DDX4: variants seen among roughly 807,000 people sequenced by gnomAD.
The protein encoded by DDX4 is probable ATP-dependent RNA helicase DDX4.
Under a neutral mutation model 100.0 loss-of-function variants are expected in DDX4, and 25 were observed. The ratio of observed to expected loss-of-function variants is 0.25; its 90% CI spans 0.18 to 0.35. DDX4 has a LOEUF of 0.35. DDX4 is among the 10% of genes least tolerant of loss of function. DDX4 has a pLI of 1.00. For synonymous variants in DDX4, 259 were observed against 275.7 expected, an observed-to-expected ratio of 0.94 and a Z score of 0.60; for missense variants, 635 against 882.4, an observed-to-expected ratio of 0.72 and a Z score of 3.55.
chr5:55,816,066 G>A (rs980876897), intron 21 of DDX4, among the ~76,000 whole-genome samples: 3 of 151,680 alleles, frequency 2.0e-5, no homozygotes, highest in Admixed American at 1.3e-4. Context: ...GATTACAGGC[G>A]TGAGCCACTG....
chr5:55,813,640 A>G, intron 18 of DDX4, 33 bp from the exon 19 acceptor site: 2 of 1,515,202 alleles, frequency 1.3e-6, no homozygotes, highest in Non-Finnish European at 8.8e-7. Context: ...CTGATTTTGA[A>G]GTTTGAATAT....
intron 15 of DDX4, 24 bp downstream of exon 15, chr5:55,788,024 A>G (rs1742346911): frequency 1.3e-6 from 2 of 1,562,606 alleles, no homozygotes; most frequent in Admixed American, 2.0e-5. Context: ...AGTGCTACTC[A>G]CAAAATAGTT....
chr5:55,764,639 T>TA (rs1475190686), intron 6 of DDX4, among the ~76,000 whole-genome samples: 1 of 152,206 alleles, frequency 6.6e-6, no homozygotes, highest in Non-Finnish European at 1.5e-5. Flanking sequence ...GTGATCCTGA[T>TA]ACCTCCTGTG....
intron 17 of DDX4, among the ~76,000 whole-genome samples, chr5:55,793,480 C>T (rs932037891): frequency 7.9e-5 from 12 of 152,252 alleles, no homozygotes; most frequent in Middle Eastern, 3.4e-3. Context: ...ATAGGTTTAT[C>T]GGGATGTTAA....
intron 10 of DDX4, among the ~76,000 whole-genome samples, chr5:55,784,006 C>A (rs945753064): frequency 1.3e-5 from 2 of 152,088 alleles, no homozygotes; most frequent in African/African-American, 4.8e-5. Flanking sequence ...CACCTTCCAA[C>A]AGGCCCTGGT....
chr5:55,786,299 A>G (rs1392968245), intron 13 of DDX4, among the ~76,000 whole-genome samples: 1 of 152,138 alleles, frequency 6.6e-6, no homozygotes, highest in Non-Finnish European at 1.5e-5. Context: ...AATGTTTTTA[A>G]AGCCACCATT....
intron 3 of DDX4, among the ~76,000 whole-genome samples, chr5:55,749,253 GAC>G (rs1286616989): frequency 6.6e-6 from 1 of 152,074 alleles, no homozygotes; most frequent in Non-Finnish European, 1.5e-5. Flanking sequence ...AACAAAGTGA[GAC>G]ACTGTCTGTA....
intron 6 of DDX4, among the ~76,000 whole-genome samples, 190 bp from the exon 7 acceptor site, chr5:55,767,691 T>G (rs1192627480): frequency 6.6e-6 from 1 of 152,206 alleles, no homozygotes; most frequent in Non-Finnish European, 1.5e-5. Flanking sequence ...ATGAGATGAT[T>G]TGTATAGGGA....
intron 18 of DDX4, among the ~76,000 whole-genome samples, chr5:55,810,005 A>C (rs1319171901): frequency 1.3e-5 from 2 of 150,520 alleles, no homozygotes; most frequent in African/African-American, 4.9e-5. Flanking sequence ...AGAACTTACA[A>C]ATCATGAGGG....
chr5:55,765,411 A>ATATATATATATATATAT (rs1285869924), intron 6 of DDX4, among the ~76,000 whole-genome samples: 4 of 100,250 alleles, frequency 4.0e-5, no homozygotes, highest in African/African-American at 1.3e-4. Flanking sequence ...AAAAAAAAAA[A>ATATATATATATATATAT]AAATATATAT....
chr5:55,749,921 A>G (rs1267509125), intron 3 of DDX4, among the ~76,000 whole-genome samples: 19 of 151,770 alleles, frequency 1.3e-4, no homozygotes, highest in African/African-American at 4.6e-4. Context: ...TTGCTTTACA[A>G]AAGGAGGGAA....
intron 15 of DDX4, 54 bp downstream of exon 15, chr5:55,788,054 TC>T: frequency 4.7e-6 from 7 of 1,503,142 alleles, no homozygotes; most frequent in Non-Finnish European, 6.3e-6. Context: ...GAGATTTTTT[TC>T]CCCTCACTTT....
intron 10 of DDX4, among the ~76,000 whole-genome samples, chr5:55,783,678 A>ATGAATGG (rs1561500781): frequency 1.3e-3 from 107 of 85,058 alleles, no homozygotes; most frequent in African/African-American, 4.3e-3. Context: ...TGGATGGATG[A>ATGAATGG]ATGGATGGAT....
In DDX4 at chr5:55,803,571, C is replaced by T. The variant is rs569720529; in HGVS notation, c.1615+5000C>T. ...ATTCCCACCTATGAGTGAGAATATGCGGTGTTTGGTTTTTTGTTCTTGTGA... is the reference window on the plus strand; with the variant it reads ...ATTCCCACCTATGAGTGAGAATATGTGGTGTTTGGTTTTTTGTTCTTGTGA... On this transcript the variant is annotated intron_variant, in intron 18 of 21. Transcript: ENST00000505374. 1.2e-4 allele frequency among the ~76,000 whole-genome samples: 17 copies of T among 144,312 alleles called. No homozygotes were observed. The South Asian group carries it at 2.3e-3, about 19-fold the overall frequency. 94.7% of individuals were successfully genotyped at this position (144,312 alleles called of 152,430 possible). A position where few individuals can be genotyped will look rare whatever the true frequency, so the allele number is the denominator to read the frequency against.
intron 17 of DDX4, among the ~76,000 whole-genome samples, chr5:55,796,823 C>CTTTTTTTT (rs3990072): frequency 0.012 from 694 of 59,964 alleles, 73 homozygotes; most frequent in Middle Eastern, 0.017. Flanking sequence ...TTCTTTCTTT[C>CTTTTTTTT]TTTTTTTTTT....
chr5:55,814,121 T>G (rs947830141), intron 19 of DDX4, among the ~76,000 whole-genome samples: 5 of 152,202 alleles, frequency 3.3e-5, no homozygotes, highest in Non-Finnish European at 7.3e-5. Context: ...TCTTAGAGCT[T>G]TTTAAAATTG....
At chr5:55,743,317 CCTCT>C (rs888214388) in intron 2 of DDX4, among the ~76,000 whole-genome samples, 1 of 152,088 alleles carries the variant, frequency 6.6e-6, no homozygotes, top group African/African-American at 2.4e-5. Flanking sequence ...TTTCCCTCTG[CCTCT>C]CTATTATAAG....
intron 21 of DDX4, 82 bp from the exon 22 acceptor site, chr5:55,816,379 TCA>T: frequency 6.6e-7 from 1 of 1,510,614 alleles, no homozygotes. Flanking sequence ...GTCCTTGCTC[TCA>T]GTCTGAGTGA....
intron 3 of DDX4, among the ~76,000 whole-genome samples, chr5:55,753,602 G>A (rs1251322099): frequency 6.6e-6 from 1 of 151,804 alleles, no homozygotes; most frequent in African/African-American, 2.4e-5. Context: ...AAGTCAGGTA[G>A]TGTGATGCCT....
Sources: gnomAD v4.1 joint callset for allele counts (sites outside exome capture counted in the v4.1 genomes callset) on GRCh38, gnomAD v4.1.1 for gene constraint, MANE v1.5 for transcripts, NCBI Gene and HGNC (gene_info 2026-07-23, HGNC 2026-07-21) for gene names.